The following FOXO3 variants were observed in gnomAD, a reference collection of about 807,000 sequenced individuals.
The protein encoded by FOXO3 is forkhead box protein O3.
In FOXO3, 4 loss-of-function variants were observed where a neutral mutation model predicts 41.9. The ratio of observed to expected loss-of-function variants is 0.10; its 90% CI spans 0.05 to 0.22. FOXO3 has a LOEUF of 0.22. Among genes scored for constraint, FOXO3 ranks in the 10% least tolerant of loss-of-function variants. The probability of loss-of-function intolerance (pLI) is 1.00; values close to 1 mark genes in which losing one functional copy is unlikely to be tolerated. For synonymous variants in FOXO3, 318 were observed against 389.3 expected, an observed-to-expected ratio of 0.82 and a Z score of 2.16; for missense variants, 534 against 906.8, an observed-to-expected ratio of 0.59 and a Z score of 5.28.
At chr6:108,615,322 TGAAA>T (rs913124339) in intron 1 of FOXO3, among the ~76,000 whole-genome samples, 16 of 152,128 alleles carry the variant, frequency 1.1e-4, no homozygotes, top group African/African-American at 3.9e-4. Flanking sequence ...TTTGTTTGCC[TGAAA>T]GAGTCTTTAT....
At chr6:108,599,570 T>A (rs1340986593) in intron 1 of FOXO3, among the ~76,000 whole-genome samples, 1 of 152,180 alleles carries the variant, frequency 6.6e-6, no homozygotes, top group Non-Finnish European at 1.5e-5. Flanking sequence ...GTCTTTTCCA[T>A]TATGGTAAGC....
intron 1 of FOXO3, among the ~76,000 whole-genome samples, chr6:108,616,156 G>GTTTTTTTTTTTTTTTT: frequency 1.8e-5 from 1 of 55,156 alleles, no homozygotes; most frequent in Non-Finnish European, 3.4e-5. Context: ...CCCAACTAAG[G>GTTTTTTTTTTTTTTTT]TTTTTTTTTT....
chr6:108,611,679 C>G (rs921634190), intron 1 of FOXO3, among the ~76,000 whole-genome samples: 4 of 143,956 alleles, frequency 2.8e-5, no homozygotes, highest in Admixed American at 6.9e-5. Flanking sequence ...GGTGACGTGT[C>G]TATTGAAATC....
intron 1 of FOXO3, among the ~76,000 whole-genome samples, chr6:108,576,819 C>G (rs1776274910): frequency 6.6e-6 from 1 of 152,128 alleles, no homozygotes; most frequent in African/African-American, 2.4e-5. Flanking sequence ...CTGAGTAGTT[C>G]TAGCTAGTTT....
At chr6:108,600,090 G>A (rs988458538) in intron 1 of FOXO3, among the ~76,000 whole-genome samples, 1 of 152,056 alleles carries the variant, frequency 6.6e-6, no homozygotes, top group Non-Finnish European at 1.5e-5. Flanking sequence ...GTTAGAAGTC[G>A]AACACTGAAC....
Position 108,561,795 on chromosome 6 carries a change from A to G in FOXO3, c.587A>G (p.Asp196Gly). Residue 196 changes from aspartate (D) to glycine (G), a missense_variant, in exon 1 of 3, where the codon GAT becomes GGT. Around this residue, in one of 8 missense-constraint regions of FOXO3, gnomAD observed 77 missense variants for 193.2 expected, o/e 0.40. Transcript: ENST00000406360. The stretch of plus-strand genomic sequence containing the variant: ...GTGCGTTGCGTGCCCTACTTCAAGG[A>G]TAAGGGCGACAGCAACAGCTCTGCC... ...WMVRCVPYFK[D>G]KGDSNSSAGW... is the part of the protein sequence containing the mutation. 1 of 1,595,380 alleles carries G rather than the reference A, an allele frequency of 6.3e-7. No homozygotes were observed. Among genetic ancestry groups the G allele is most frequent in the Non-Finnish European group, 8.5e-7 (1 of 1,172,124 alleles).
rs1770882977 is a variant in FOXO3 at position 108,682,075 on chromosome 6, A to G, written c.*2283A>G. On this transcript the variant is annotated 3_prime_UTR_variant, in exon 3 of 3. Coordinates refer to ENST00000406360, the MANE Select transcript of FOXO3 (RefSeq NM_001455.4). ...CCTGAGAACTTCTGAGTTCAGAGAA[A>G]CATGCAAAGTGACTAACAAAATAGC... 6.6e-6 allele frequency: 1 copy of G among 152,488 alleles called. No homozygotes were observed. The highest frequency in any genetic ancestry group is 2.4e-5 in the African/African-American group (1 of 41,444). 9.4% of individuals were successfully genotyped at this position (152,488 alleles called of 1,614,324 possible). A position where few individuals can be genotyped will look rare whatever the true frequency, so the allele number is the denominator to read the frequency against.
intron 2 of FOXO3, among the ~76,000 whole-genome samples, chr6:108,678,453 TGTCACGTCC>T (rs1770705681): frequency 6.6e-6 from 1 of 151,898 alleles, no homozygotes; most frequent in African/African-American, 2.4e-5. Flanking sequence ...AGGTCTGTCA[TGTCACGTCC>T]TTTTGCTATT....
intron 1 of FOXO3, among the ~76,000 whole-genome samples, chr6:108,616,110 C>G (rs1392828462): frequency 1.4e-5 from 2 of 143,034 alleles, no homozygotes; most frequent in Non-Finnish European, 3.0e-5. Context: ...ACCTCAGCCT[C>G]TTGAGTAGCT....
intron 2 of FOXO3, among the ~76,000 whole-genome samples, chr6:108,672,529 A>C (rs1779244136): frequency 6.6e-6 from 1 of 152,156 alleles, no homozygotes; most frequent in South Asian, 2.1e-4. Flanking sequence ...CTTAGTTTGT[A>C]ATTTTAGGTC....
intron 1 of FOXO3, among the ~76,000 whole-genome samples, chr6:108,633,649 T>C (rs1393125583): frequency 1.3e-5 from 2 of 152,152 alleles, no homozygotes; most frequent in Non-Finnish European, 2.9e-5. Flanking sequence ...ATGAAGCTCT[T>C]TGACATGGTG....
intron 1 of FOXO3, among the ~76,000 whole-genome samples, chr6:108,654,737 C>CTT (rs61275551): frequency 2.0e-4 from 28 of 137,026 alleles, no homozygotes; most frequent in Admixed American, 6.5e-4. Context: ...AGAGCATCGT[C>CTT]TTTTTTTTTT....
chr6:108,559,988 GC>G (rs1222508615), upstream of FOXO3: 1 of 151,712 alleles, frequency 6.6e-6, no homozygotes, highest in Non-Finnish European at 1.5e-5. Flanking sequence ...GCGTCGTCCC[GC>G]CGCGTCCCTG....
At chr6:108,581,001 G>A (rs184572114) in intron 1 of FOXO3, among the ~76,000 whole-genome samples, 130 of 152,314 alleles carry the variant, frequency 8.5e-4, no homozygotes, top group African/African-American at 3.1e-3. Context: ...GAGACACATA[G>A]ATGAGTTTAC....
intron 1 of FOXO3, among the ~76,000 whole-genome samples, 165 bp downstream of exon 1, chr6:108,561,994 G>A (rs1195460722): frequency 6.6e-6 from 1 of 152,048 alleles, no homozygotes; most frequent in Non-Finnish European, 1.5e-5. Flanking sequence ...CCCGGAGTCG[G>A]GGCACCTGGG....
chr6:108,589,200 A>G (rs1776666224), intron 1 of FOXO3, among the ~76,000 whole-genome samples: 3 of 152,218 alleles, frequency 2.0e-5, no homozygotes, highest in Non-Finnish European at 4.4e-5. Flanking sequence ...AAATAAAGAA[A>G]AAATCTAAGT....
intron 1 of FOXO3, among the ~76,000 whole-genome samples, chr6:108,569,573 C>A (rs1776035426): frequency 6.6e-6 from 1 of 152,190 alleles, no homozygotes; most frequent in South Asian, 2.1e-4. Flanking sequence ...GCCTCAGTTA[C>A]TACTATGGAA....
At position 108,600,721 on chromosome 6, in the gene FOXO3, T is replaced by G. The variant is rs541225321; in HGVS notation, c.621+38892T>G. 1.3e-3 allele frequency among the ~76,000 whole-genome samples: 205 copies of G among 152,306 alleles called. 2 individuals are homozygous for G. The highest frequency in any genetic ancestry group is 4.6e-3 in the African/African-American group (191 of 41,560). ...GATAAGTAAGATTTTAAAATCTGGTTTTCACTTAAGCCTCAGGTACTTTGT... is the reference window on the plus strand; with the variant it reads ...GATAAGTAAGATTTTAAAATCTGGTGTTCACTTAAGCCTCAGGTACTTTGT... On this transcript the variant is annotated intron_variant, in intron 1 of 2. Transcript: ENST00000406360.
At chr6:108,597,820 T>C (rs1024239329) in intron 1 of FOXO3, among the ~76,000 whole-genome samples, 2 of 152,202 alleles carry the variant, frequency 1.3e-5, no homozygotes, top group Admixed American at 1.3e-4. Flanking sequence ...TAATTTGTAA[T>C]AAGCACTTAG....
Sources: gnomAD v4.1 joint callset for allele counts (sites outside exome capture counted in the v4.1 genomes callset) on GRCh38, gnomAD v4.1.1 for gene constraint, gnomAD v4.1.1 regional missense constraint, MANE v1.5 for transcripts, NCBI Gene and HGNC (gene_info 2026-07-23, HGNC 2026-07-21) for gene names.